The following XKR9 variants were observed in gnomAD, a reference collection of about 807,000 sequenced individuals.
XKR9 encodes XK-related protein 9.
A neutral mutation model predicts 32.0 loss-of-function variants in XKR9; 32 were observed. The observed-to-expected ratio is 1.00, with a 90% confidence interval of 0.76 to 1.34. The LOEUF is 1.34. Ranked by LOEUF, XKR9 falls within the 40% of genes most tolerant of loss-of-function variation. The pLI, the probability that XKR9 is intolerant of heterozygous loss-of-function variation, is 0.00. For missense variants in XKR9, 546 were observed against 429.7 expected (o/e 1.27, Z -2.39); for synonymous variants, 168 against 143.4 (o/e 1.17, Z -1.22).
the XKR9 span, among the ~76,000 whole-genome samples, chr8:70,835,554 A>G: frequency 6.6e-6 from 1 of 152,076 alleles, no homozygotes; most frequent in African/African-American, 2.4e-5. Flanking sequence ...GGTTAAGTTG[A>G]CCAAGGCAAA....
At chr8:71,002,217 A>G in the XKR9 span, among the ~76,000 whole-genome samples, 1 of 151,916 alleles carries the variant, frequency 6.6e-6, no homozygotes, top group Non-Finnish European at 1.5e-5. Context: ...TCATGTCCTA[A>G]TAGGCTGGGT....
the XKR9 span, among the ~76,000 whole-genome samples, chr8:70,983,777 A>G: frequency 2.0e-5 from 3 of 149,658 alleles, no homozygotes; most frequent in African/African-American, 5.0e-5. Context: ...GCAAGACTTC[A>G]TCTCAAAATA....
chr8:70,962,560 A>G, the XKR9 span, among the ~76,000 whole-genome samples: 7 of 152,176 alleles, frequency 4.6e-5, no homozygotes, highest in Non-Finnish European at 8.8e-5. Flanking sequence ...CTATGGGTGT[A>G]GCATTCCACG....
chr8:71,005,015 T>C, the XKR9 span, among the ~76,000 whole-genome samples: 2 of 120,758 alleles, frequency 1.7e-5, no homozygotes, highest in East Asian at 2.1e-4. Flanking sequence ...TTTTTTTTTT[T>C]TTTTTTTTTT....
chr8:70,700,300 C>A (rs940912696), intron 3 of XKR9, among the ~76,000 whole-genome samples: 1 of 152,070 alleles, frequency 6.6e-6, no homozygotes, highest in Non-Finnish European at 1.5e-5. Context: ...GTTTTTTCCC[C>A]CTCTTTGTGG....
chr8:70,669,766 A>T (rs1197726936), intron 1 of XKR9, among the ~76,000 whole-genome samples: 1 of 146,648 alleles, frequency 6.8e-6, no homozygotes, highest in Non-Finnish European at 1.5e-5. Context: ...TCCCGGGTTC[A>T]CGCCATCCTC....
chr8:70,978,421 G>A, the XKR9 span, among the ~76,000 whole-genome samples: 1 of 152,218 alleles, frequency 6.6e-6, no homozygotes, highest in East Asian at 1.9e-4. Flanking sequence ...CTCTTTTAGG[G>A]CAGGCCTGGT....
At chr8:70,995,226 T>A in the XKR9 span, among the ~76,000 whole-genome samples, 2 of 152,172 alleles carry the variant, frequency 1.3e-5, no homozygotes, top group Non-Finnish European at 2.9e-5. Flanking sequence ...AAAGGGGGAT[T>A]GTTCTTACTT....
chr8:70,779,288 T>A (rs1807579921), intron 2 of XKR9, among the ~76,000 whole-genome samples: 1 of 152,152 alleles, frequency 6.6e-6, no homozygotes. Context: ...GCCTTGCATA[T>A]CAGGGATGAA....
At chr8:70,822,250 G>A in the XKR9 span, among the ~76,000 whole-genome samples, 5 of 151,726 alleles carry the variant, frequency 3.3e-5, no homozygotes, top group South Asian at 2.1e-4. Context: ...TTTTTTATCC[G>A]GGCAATAATT....
At chr8:70,738,326 C>T (rs932162714), downstream of XKR9, among the ~76,000 whole-genome samples, 3 of 143,422 alleles carry the variant, frequency 2.1e-5, no homozygotes, top group Admixed American at 1.4e-4. Context: ...TCCCCTTTAT[C>T]ATTTTTTATT....
At chr8:70,872,503 AG>A in the XKR9 span, among the ~76,000 whole-genome samples, 1 of 152,226 alleles carries the variant, frequency 6.6e-6, no homozygotes, top group Non-Finnish European at 1.5e-5. Flanking sequence ...ATCATTGATG[AG>A]GGGACTACAC....
At chr8:71,047,307 A>G in the XKR9 span, among the ~76,000 whole-genome samples, 1 of 152,080 alleles carries the variant, frequency 6.6e-6, no homozygotes, top group Non-Finnish European at 1.5e-5. Flanking sequence ...TAAATTATAG[A>G]CTCTGAAGAC....
the XKR9 span, among the ~76,000 whole-genome samples, chr8:71,033,463 GTGGCAGTGCTA>G: frequency 3.9e-5 from 6 of 152,110 alleles, no homozygotes; most frequent in Non-Finnish European, 8.8e-5. Flanking sequence ...CTGCTACATT[GTGGCAGTGCTA>G]TGGTTTGGAT....
chr8:70,902,370 T>A, the XKR9 span, among the ~76,000 whole-genome samples: 1 of 152,190 alleles, frequency 6.6e-6, no homozygotes, highest in Non-Finnish European at 1.5e-5. Flanking sequence ...GTCCTTCACA[T>A]CCCTTGTAAG....
the XKR9 span, among the ~76,000 whole-genome samples, chr8:70,913,704 T>C: frequency 6.6e-6 from 1 of 152,082 alleles, no homozygotes; most frequent in Non-Finnish European, 1.5e-5. Flanking sequence ...GATTAAGAAA[T>C]AGAATATTAT....
the XKR9 span, among the ~76,000 whole-genome samples, chr8:70,896,725 T>C: frequency 2.0e-5 from 3 of 151,960 alleles, no homozygotes; most frequent in Non-Finnish European, 4.4e-5. Flanking sequence ...TATATTGTTC[T>C]TTTTTTACTT....
the XKR9 span, among the ~76,000 whole-genome samples, chr8:71,055,481 A>G: frequency 2.0e-5 from 3 of 152,186 alleles, no homozygotes; most frequent in South Asian, 2.1e-4. Flanking sequence ...GAGAATGTCT[A>G]TGTTTCTTGG....
chr8:70,956,105 G>T, the XKR9 span, among the ~76,000 whole-genome samples: 1 of 152,168 alleles, frequency 6.6e-6, no homozygotes, highest in South Asian at 2.1e-4. Context: ...CAGTGGGGGT[G>T]GGGGAGCAAG....
Sources: allele counts gnomAD v4.1 joint callset (sites outside exome capture counted in the v4.1 genomes callset), GRCh38; gene constraint gnomAD v4.1.1; transcripts MANE v1.5; gene names NCBI Gene and HGNC (gene_info 2026-07-23, HGNC 2026-07-21).